Variants in USP12 observed in about 807,000 individuals in gnomAD.
USP12 encodes ubiquitin carboxyl-terminal hydrolase 12.
A neutral mutation model predicts 45.5 loss-of-function variants in USP12; 19 were observed. The ratio of observed to expected loss-of-function variants is 0.42; its 90% confidence interval spans 0.29 to 0.61. USP12 has a LOEUF of 0.61. USP12 is among the 20% of genes least tolerant of loss of function. The pLI is 0.22. For missense variants in USP12, 242 were observed against 447.7 expected (o/e 0.54, Z 4.15); for synonymous variants, 149 against 148.8 (o/e 1.00, Z -0.01).
chr13:27,170,655 G>A (rs555782343), intron 1 of USP12, among the ~76,000 whole-genome samples: 17 of 152,348 alleles, frequency 1.1e-4, no homozygotes, highest in African/African-American at 3.6e-4. Context: ...CTTCCAGCGG[G>A]CATTAGCACT....
intron 1 of USP12, among the ~76,000 whole-genome samples, chr13:27,126,713 C>G (rs556059447): frequency 1.5e-4 from 23 of 152,134 alleles, no homozygotes; most frequent in Non-Finnish European, 2.9e-4. Flanking sequence ...ATTGCAAACC[C>G]AAAATGCTAC....
chr13:27,071,697 CATT>C (rs1873253242), intron 7 of USP12, among the ~76,000 whole-genome samples: 1 of 152,072 alleles, frequency 6.6e-6, no homozygotes. Context: ...AATGGTAAGT[CATT>C]ATTAAGTACC....
intron 1 of USP12, among the ~76,000 whole-genome samples, chr13:27,162,180 CAT>C (rs1355929679): frequency 6.6e-6 from 1 of 152,180 alleles, no homozygotes; most frequent in Non-Finnish European, 1.5e-5. Flanking sequence ...AGGACGTTCA[CAT>C]GTGTCATCTC....
intron 6 of USP12, among the ~76,000 whole-genome samples, chr13:27,082,430 C>T (rs1328652166): frequency 6.6e-6 from 1 of 152,216 alleles, no homozygotes; most frequent in African/African-American, 2.4e-5. Context: ...AATGTTGTGG[C>T]TAGTTTGATC....
chr13:27,089,471 C>G (rs984205583), intron 6 of USP12: 3 of 156,354 alleles, frequency 1.9e-5, no homozygotes, highest in African/African-American at 7.2e-5. Flanking sequence ...GATACCAAAC[C>G]AGTCTTACAA....
At chr13:27,166,050 A>AT (rs2137849091) in intron 1 of USP12, among the ~76,000 whole-genome samples, 1 of 152,306 alleles carries the variant, frequency 6.6e-6, no homozygotes, top group East Asian at 1.9e-4. Flanking sequence ...AGGAATATCT[A>AT]TTAAAGAGTA....
intron 1 of USP12, among the ~76,000 whole-genome samples, chr13:27,131,856 C>T (rs911012343): frequency 6.6e-6 from 1 of 152,166 alleles, no homozygotes; most frequent in African/African-American, 2.4e-5. Flanking sequence ...ATTATCATAA[C>T]TTTAAATAAT....
chr13:27,141,492 T>C (rs999108982), intron 1 of USP12, among the ~76,000 whole-genome samples: 1 of 152,092 alleles, frequency 6.6e-6, no homozygotes, highest in African/African-American at 2.4e-5. Context: ...GAAAGGAAGA[T>C]ACAAGATGAT....
rs150404725 is a variant in USP12 at position 27,140,021 on chromosome 13, C to T, written c.49-23425G>A. ...TAAAAATTAAAACTGCACTCCCTAC[C>T]TGCAAAATACATTTCTATTGTACTT... On this transcript the variant is annotated intron_variant, in intron 1 of 8. Coordinates refer to ENST00000282344, the MANE Select transcript of USP12 (RefSeq NM_182488.4). Among the ~76,000 whole-genome samples the T allele has an allele frequency of 2.6e-5, 4 of 152,334 alleles. No homozygotes were observed. In the East Asian group the frequency reaches 7.7e-4, roughly 29 times the overall value.
chr13:27,084,957 ATC>A (rs1177150165), intron 6 of USP12, among the ~76,000 whole-genome samples: 1 of 152,016 alleles, frequency 6.6e-6, no homozygotes, highest in Non-Finnish European at 1.5e-5. Context: ...ACTGCACTGA[ATC>A]TCTAGGTTGC....
At position 27,116,547 on chromosome 13, in the gene USP12, G is replaced by A. The variant is rs1459794491; in HGVS notation, c.98C>T (p.Pro33Leu). Reference protein sequence around the residue: ...LEKEIGPEQFPVNEHYFGLVN... With the variant: ...LEKEIGPEQFLVNEHYFGLVN... Reference sequence around the variant, plus strand: ...TAATCCAAAATAGTGCTCATTGACCGGAAACTGTTCTGGACCAATCTCTTT... The same window carrying A: ...TAATCCAAAATAGTGCTCATTGACCAGAAACTGTTCTGGACCAATCTCTTT... The change falls in exon 2 of 9, where the codon CCG becomes CTG. Residue 33 changes from proline to leucine, a missense_variant. Transcript: ENST00000282344. 1.9e-6 allele frequency: 3 copies of A among 1,613,052 alleles called. No individual in the cohort carries two copies. Among genetic ancestry groups the A allele is most frequent in the East Asian group, 2.2e-5 (1 of 44,868 alleles).
At chr13:27,102,115 C>A (rs1301833142) in intron 3 of USP12, among the ~76,000 whole-genome samples, 1 of 152,190 alleles carries the variant, frequency 6.6e-6, no homozygotes, top group Non-Finnish European at 1.5e-5. Flanking sequence ...ACTGAAATGA[C>A]TGACACTGCT....
chr13:27,077,590 C>A (rs1342493180), intron 6 of USP12: 1 of 152,030 alleles, frequency 6.6e-6, no homozygotes, highest in African/African-American at 2.4e-5. Flanking sequence ...ACAAAGAAAC[C>A]AACTACCCAT....
At chr13:27,102,194 G>T (rs531776067) in intron 3 of USP12, among the ~76,000 whole-genome samples, 1 of 152,226 alleles carries the variant, frequency 6.6e-6, no homozygotes, top group South Asian at 2.1e-4. Flanking sequence ...CACCTAAAAT[G>T]ATCCCAAACA....
chr13:27,086,197 A>AATATATATATATATATATAT (rs1555233236), intron 6 of USP12, among the ~76,000 whole-genome samples: 14 of 56,896 alleles, frequency 2.5e-4, no homozygotes, highest in Non-Finnish European at 3.8e-4. Flanking sequence ...AAAAAAAAAA[A>AATATATATATATATATATAT]ATATATATAT....
chr13:27,139,949 C>CTT, intron 1 of USP12, among the ~76,000 whole-genome samples: 1 of 152,270 alleles, frequency 6.6e-6, no homozygotes, highest in South Asian at 2.1e-4. Context: ...TTCTAACATA[C>CTT]TTGTTTCTCA....
chr13:27,089,764 T>C, intron 6 of USP12, 119 bp downstream of exon 6: 1 of 883,744 alleles, frequency 1.1e-6, no homozygotes, highest in Non-Finnish European at 1.8e-6. Context: ...TAACTGTTAG[T>C]GATAGAATTA....
intron 4 of USP12, among the ~76,000 whole-genome samples, chr13:27,094,798 TA>T (rs1373231090): frequency 6.6e-6 from 1 of 151,552 alleles, no homozygotes; most frequent in Non-Finnish European, 1.5e-5. Flanking sequence ...AAGAAACAAC[TA>T]AATGCAATGT....
intron 1 of USP12, among the ~76,000 whole-genome samples, chr13:27,170,750 C>T (rs1012014798): frequency 6.6e-6 from 1 of 152,218 alleles, no homozygotes; most frequent in Admixed American, 6.5e-5. Context: ...GACCTAGCTC[C>T]AGCCACATAC....
Sources: allele counts gnomAD v4.1 joint callset (sites outside exome capture counted in the v4.1 genomes callset), GRCh38; gene constraint gnomAD v4.1.1; transcripts MANE v1.5; gene names NCBI Gene and HGNC (gene_info 2026-07-23, HGNC 2026-07-21).